Variants in CDC42BPB observed in about 807,000 individuals in gnomAD.
CDC42BPB encodes CDC42 binding protein kinase beta.
In CDC42BPB, 37 loss-of-function variants were observed where a neutral mutation model predicts 214.9. The observed-to-expected ratio is 0.17, with a 90% confidence interval of 0.13 to 0.23. The LOEUF (loss-of-function observed/expected upper bound fraction) is 0.23. CDC42BPB is among the 10% of genes least tolerant of loss of function. The pLI, the probability that CDC42BPB is intolerant of heterozygous loss-of-function variation, is 1.00. For synonymous variants in CDC42BPB, 931 were observed against 884.0 expected (o/e 1.05, Z -0.94); for missense variants, 1,694 against 2,227.0 (o/e 0.76, Z 4.82).
Position 102,938,193 on chromosome 14 carries a change from T to C in CDC42BPB, c.4934-19A>G, listed in dbSNP as rs1420344688. 10 of 1,612,114 alleles carry C rather than the reference T, an allele frequency of 6.2e-6. No homozygotes were observed. The highest frequency in any genetic ancestry group is 1.6e-4 in the Middle Eastern group (1 of 6,082). ...GATCCACCTACAGAACAAGGACAGC[T>C]TTCCTCTTAGGGAGAAAGTCAAGAA... On this transcript the variant is annotated intron_variant, in intron 35 of 36. Coordinates refer to ENST00000361246, the MANE Select transcript of CDC42BPB (RefSeq NM_006035.4).
At chr14:103,015,734 C>G (rs572976087) in intron 1 of CDC42BPB, among the ~76,000 whole-genome samples, 2 of 151,930 alleles carry the variant, frequency 1.3e-5, no homozygotes, top group African/African-American at 4.8e-5. Context: ...TTATTTGAGA[C>G]AGAGTCTAGC....
chr14:102,994,437 G>A (rs1312159724), intron 5 of CDC42BPB, among the ~76,000 whole-genome samples: 2 of 152,136 alleles, frequency 1.3e-5, no homozygotes, highest in Non-Finnish European at 2.9e-5. Context: ...AGCACTGGAG[G>A]TTCAGGGCAA....
At chr14:102,992,926 T>C (rs1894562667) in intron 5 of CDC42BPB, among the ~76,000 whole-genome samples, 1 of 151,826 alleles carries the variant, frequency 6.6e-6, no homozygotes, top group South Asian at 2.1e-4. Context: ...CTCCCTGGGT[T>C]CAAGCGATTC....
In CDC42BPB at chr14:102,933,750, G is replaced by C. The variant is rs1233179130; in HGVS notation, c.5098C>G (p.Pro1700Ala). The change falls in exon 37 of 37, where the codon CCC becomes GCC. Residue 1700 changes from proline to alanine, a missense_variant. Around this residue, in one of 7 missense-constraint regions of CDC42BPB, gnomAD observed 146 missense variants for 134.1 expected, o/e 1.09. Coordinates refer to ENST00000361246, the MANE Select transcript of CDC42BPB (RefSeq NM_006035.4). ...GCCGGCTGCTCCAGGCCTTCGAGGG[G>C]GAGCTGGCTCCTGTGGGGGGAGTTG... ...SPNSPHRSQLPLEGLEQPACD... is the reference protein window; with the variant it reads ...SPNSPHRSQLALEGLEQPACD... 1 of 1,495,544 alleles carries C rather than the reference G, an allele frequency of 6.7e-7. No individual in the cohort carries two copies. The highest frequency in any genetic ancestry group is 8.8e-7 in the Non-Finnish European group (1 of 1,137,510). 92.6% of individuals were successfully genotyped at this position (1,495,544 alleles called of 1,614,324 possible).
At chr14:103,030,596 T>C (rs1367373976) in intron 1 of CDC42BPB, among the ~76,000 whole-genome samples, 1 of 152,196 alleles carries the variant, frequency 6.6e-6, no homozygotes, top group Non-Finnish European at 1.5e-5. Context: ...CTTGGGCGGC[T>C]GAGGCGGGAG....
chr14:102,953,848 C>T (rs1892597657), intron 23 of CDC42BPB, among the ~76,000 whole-genome samples: 1 of 152,176 alleles, frequency 6.6e-6, no homozygotes, highest in African/African-American at 2.4e-5. Flanking sequence ...TCTCTAAGTG[C>T]AGGCAGACAA....
At chr14:102,965,533 T>C (rs7147226) in intron 18 of CDC42BPB, among the ~76,000 whole-genome samples, 78,234 of 152,028 alleles carry the variant, frequency 0.51, 21,353 homozygotes, top group East Asian at 0.78. Flanking sequence ...ACATCAACTT[T>C]CGAGAGGTAT....
At chr14:103,027,467 C>T (rs184589748) in intron 1 of CDC42BPB, among the ~76,000 whole-genome samples, 18 of 152,194 alleles carry the variant, frequency 1.2e-4, no homozygotes, top group Non-Finnish European at 1.2e-4. Flanking sequence ...AAGTGAAAAC[C>T]GAAATGTCCA....
chr14:102,979,546 C>T (rs1256547898), intron 8 of CDC42BPB, among the ~76,000 whole-genome samples: 4 of 152,136 alleles, frequency 2.6e-5, no homozygotes, highest in Non-Finnish European at 1.5e-5. Context: ...ACAAGGGGTA[C>T]TTCATAGTTT....
intron 21 of CDC42BPB, among the ~76,000 whole-genome samples, chr14:102,957,162 C>T (rs1892747002): frequency 7.1e-6 from 1 of 140,848 alleles, no homozygotes; most frequent in Non-Finnish European, 1.5e-5. Flanking sequence ...AACTGCACCA[C>T]TGCACTCCAG....
chr14:103,041,821 C>T, intron 1 of CDC42BPB: 1 of 411,608 alleles, frequency 2.4e-6, no homozygotes. Flanking sequence ...GCTGAAGGAG[C>T]ACCACTCCAA....
At chr14:102,956,476 C>T (rs1892709937) in intron 21 of CDC42BPB, 1 of 968,150 alleles carries the variant, frequency 1.0e-6, no homozygotes, top group African/African-American at 1.8e-5. Flanking sequence ...CTCTAACAGA[C>T]CCAGCCCCTG....
At chr14:103,044,863 T>C (rs1888205008) in intron 1 of CDC42BPB, among the ~76,000 whole-genome samples, 1 of 151,254 alleles carries the variant, frequency 6.6e-6, no homozygotes, top group Non-Finnish European at 1.5e-5. Flanking sequence ...AATCAACATC[T>C]TTCTCAATAG....
chr14:102,966,884 G>A (rs1174327643), intron 17 of CDC42BPB, among the ~76,000 whole-genome samples, 162 bp downstream of exon 17: 1 of 152,198 alleles, frequency 6.6e-6, no homozygotes, highest in African/African-American at 2.4e-5. Context: ...CAGAACCACT[G>A]CCCCAGACAT....
chr14:102,996,164 C>G (rs1894721766), intron 5 of CDC42BPB, among the ~76,000 whole-genome samples: 1 of 151,960 alleles, frequency 6.6e-6, no homozygotes, highest in African/African-American at 2.4e-5. Flanking sequence ...ACGGTGAAAC[C>G]CCATCTCTAC....
In CDC42BPB at chr14:102,943,574, C is replaced by T. The variant is rs561097531; in HGVS notation, c.4408+317G>A. On this transcript the variant is annotated intron_variant, in intron 30 of 36. Transcript: ENST00000361246. The surrounding 1 kb of genome is among the most constrained non-coding windows in gnomAD (Gnocchi z 4.6). ...AGGCCTTTTAAATGAGAGATGAATG[C>T]CACGCCCCGTTCTCGGTTCGCCGAG... Among the ~76,000 whole-genome samples the T allele has an allele frequency of 5.3e-5, 8 of 152,252 alleles. No homozygotes were observed. Among genetic ancestry groups the T allele is most frequent in the Middle Eastern group, 3.4e-3 (1 of 294 alleles).
chr14:103,000,296 C>T (rs17101149), intron 4 of CDC42BPB, among the ~76,000 whole-genome samples: 10,583 of 152,376 alleles, frequency 0.069, 832 homozygotes, highest in African/African-American at 0.2. Flanking sequence ...GAGCCCGTCA[C>T]TTCCCCGCGA....
chr14:103,014,932 C>A (rs910626631), intron 1 of CDC42BPB, among the ~76,000 whole-genome samples: 12 of 152,204 alleles, frequency 7.9e-5, no homozygotes, highest in African/African-American at 2.9e-4. Flanking sequence ...CAAGGCTGTG[C>A]CCGGAACGTC....
At chr14:103,011,301 C>CA (rs1209903582) in intron 2 of CDC42BPB, among the ~76,000 whole-genome samples, 2 of 152,230 alleles carry the variant, frequency 1.3e-5, no homozygotes, top group Admixed American at 6.5e-5. Flanking sequence ...TAGGCAAAGC[C>CA]AACCGGACCC....
Sources: gnomAD v4.1 joint callset for allele counts (sites outside exome capture counted in the v4.1 genomes callset) on GRCh38, gnomAD v4.1.1 for gene constraint, gnomAD v4.1.1 regional missense constraint, Gnocchi (gnomAD v3.1) non-coding constraint, MANE v1.5 for transcripts, NCBI Gene and HGNC (gene_info 2026-07-23, HGNC 2026-07-21) for gene names.